RPS6KB2: variants seen among roughly 807,000 people sequenced by gnomAD.
RPS6KB2 encodes ribosomal protein S6 kinase B2, also known as ribosomal protein S6 kinase beta-2.
In RPS6KB2, 51 loss-of-function variants were observed where a neutral mutation model predicts 58.2. The observed-to-expected ratio is 0.88, with a 90% CI of 0.70 to 1.11. The LOEUF (loss-of-function observed/expected upper bound fraction) is 1.11, where lower values mean the gene tolerates loss of function less well. Ranked by LOEUF, RPS6KB2 falls within the 50% of genes least tolerant of loss-of-function variation. The pLI, the probability that RPS6KB2 is intolerant of heterozygous loss-of-function variation, is 0.00. For synonymous variants in RPS6KB2, 293 were observed against 258.6 expected, an observed-to-expected ratio of 1.13 and a Z score of -1.28; for missense variants, 671 against 655.8, an observed-to-expected ratio of 1.02 and a Z score of -0.25.
At chr11:67,434,331 G>A (rs1213376890) in intron 12 of RPS6KB2, 46 bp from the exon 13 acceptor site, 1 of 1,609,798 alleles carries the variant, frequency 6.2e-7, no homozygotes, top group East Asian at 2.2e-5. Context: ...TGGAGAACCT[G>A]CATCTTGGTG....
At chr11:67,434,915 C>T in intron 14 of RPS6KB2, 74 bp from the exon 15 acceptor site, 1 of 1,427,342 alleles carries the variant, frequency 7.0e-7, no homozygotes, top group Non-Finnish European at 9.7e-7. Context: ...GGAAAGGCTG[C>T]CTTCCCTGAC....
chr11:67,433,925 C>T, intron 10 of RPS6KB2, 70 bp from the exon 11 acceptor site: 1 of 1,557,530 alleles, frequency 6.4e-7, no homozygotes, highest in Middle Eastern at 1.7e-4. Context: ...CCTACTCCAG[C>T]TAGCCCTGGG....
In RPS6KB2 at chr11:67,433,448, G is replaced by A. The variant is rs777475749; in HGVS notation, c.906+1G>A. The stretch of plus-strand genomic sequence containing the variant: ...AGATGCCCGGGACCTTGTCAAAAAG[G>A]TGCAGCTCCCTTCTCTCTTCTCCGG... On this transcript the variant is annotated splice_donor_variant, in intron 10 of 14. Transcript: ENST00000312629. LOFTEE classifies it high-confidence loss of function. 2 of 1,604,674 alleles carry A rather than the reference G, an allele frequency of 1.2e-6. No homozygotes were observed. The highest frequency in any genetic ancestry group is 1.7e-5 in the Admixed American group (1 of 60,014).
At chr11:67,434,873 TG>T in intron 14 of RPS6KB2, 115 bp from the exon 15 acceptor site, 1 of 1,121,704 alleles carries the variant, frequency 8.9e-7, no homozygotes, top group Non-Finnish European at 1.3e-6. Flanking sequence ...TGGGAGTTTG[TG>T]GAGCCCGCGG....
intron 1 of RPS6KB2, 127 bp downstream of exon 1, chr11:67,428,750 C>A: frequency 1.0e-6 from 1 of 987,238 alleles, no homozygotes; most frequent in Non-Finnish European, 1.5e-6. Flanking sequence ...CTTCTCAGAT[C>A]CCGGTCTCTA....
chr11:67,431,447 T>C lies in RPS6KB2; in HGVS notation c.389T>C (p.Phe130Ser). 15 of 1,613,876 alleles carry C rather than the reference T, an allele frequency of 9.3e-6. No homozygotes were observed. The highest frequency in any genetic ancestry group is 1.3e-5 in the Non-Finnish European group (15 of 1,179,892). Residue 130 changes from phenylalanine to serine, a missense_variant, in exon 5 of 15, where the codon TTT becomes TCT. Phe to Ser is a radical substitution (Grantham distance 155). Coordinates refer to ENST00000312629, the MANE Select transcript of RPS6KB2 (RefSeq NM_003952.3). The stretch of plus-strand genomic sequence containing the variant: ...ATTCTAGAGTCAGTGAAGCACCCCT[T>C]TATTGTGGAACTGGCCTATGCCTTC... ...RNILESVKHP[F>S]IVELAYAFQT...
At chr11:67,431,590 G>C (rs937457187) in intron 5 of RPS6KB2, 75 bp downstream of exon 5, 24 of 1,498,346 alleles carry the variant, frequency 1.6e-5, no homozygotes, top group Non-Finnish European at 2.0e-5. Flanking sequence ...GCTCTGGGGG[G>C]AAGCTCTTGA....
chr11:67,432,432 G>C (rs1864057341), intron 5 of RPS6KB2, 168 bp from the exon 6 acceptor site: 1 of 751,384 alleles, frequency 1.3e-6, no homozygotes. Flanking sequence ...CAGGCACCGA[G>C]TAGGCGTCGG....
At position 67,435,068 on chromosome 11, in the gene RPS6KB2, C is replaced by T. The variant is rs1348906716; in HGVS notation, c.1348C>T (p.Leu450Phe). ...GCCCACGGAGCTACCTCTACCTCCA[C>T]TCCTGCCACCGCCGCCGCCCTCGAC... ...PEPTELPLPP[L>F]LPPPPPSTTA... Residue 450 changes from leucine to phenylalanine, a missense_variant, in exon 15 of 15, where the codon CTC becomes TTC. By Grantham distance (22) the Leu-to-Phe change is conservative. Coordinates refer to ENST00000312629, the MANE Select transcript of RPS6KB2 (RefSeq NM_003952.3). 6.2e-7 allele frequency: 1 copy of T among 1,611,872 alleles called. No individual in the cohort carries two copies. The highest frequency in any genetic ancestry group is 8.5e-7 in the Non-Finnish European group (1 of 1,179,556).
chr11:67,434,739 C>A, intron 14 of RPS6KB2, 45 bp downstream of exon 14: 1 of 1,451,794 alleles, frequency 6.9e-7, no homozygotes, highest in Non-Finnish European at 9.4e-7. Flanking sequence ...GGGACGCTGG[C>A]AGGCAGGATG....
rs891674239 is a variant in RPS6KB2, at chr11:67,435,401, G to C, written c.*232G>C. 1 of 609,358 alleles carries C rather than the reference G, an allele frequency of 1.6e-6. No homozygotes were observed. The highest frequency in any genetic ancestry group is 2.1e-5 in the South Asian group (1 of 47,136). 37.7% of individuals were successfully genotyped at this position (609,358 alleles called of 1,614,324 possible). ...GTGGAAGATTAAAGGGCTGAATCAT[G>C]GTGCTGACCTGGCTCTTTGTGCTGC... On this transcript the variant is annotated 3_prime_UTR_variant, in exon 15 of 15. Transcript: ENST00000312629.
intron 14 of RPS6KB2, 61 bp from the exon 15 acceptor site, chr11:67,434,928 A>C: frequency 6.7e-7 from 1 of 1,489,212 alleles, no homozygotes; most frequent in Non-Finnish European, 9.3e-7. Flanking sequence ...TCCCTGACTG[A>C]GTGCTGGGAG....
Position 67,434,400 on chromosome 11 carries a change from G to C in RPS6KB2, c.1071G>C (p.Gln357His). The change falls in exon 13 of 15, where the codon CAG becomes CAC. Residue 357 changes from glutamine (Q) to histidine (H), a missense_variant. Gln to His is a conservative substitution (Grantham distance 24). Transcript: ENST00000312629. ...PCLQSEEDVS[Q>H]FDTRFTRQTP... ...AGCAGTCAGAGGAGGACGTGAGCCA[G>C]TTTGATACCCGCTTCACACGGCAGA... is the stretch of plus-strand genomic sequence containing the variant. The C allele has an allele frequency of 6.2e-7, 1 of 1,613,352 alleles. No individual in the cohort carries two copies. Among genetic ancestry groups the C allele is most frequent in the Non-Finnish European group, 8.5e-7 (1 of 1,180,006 alleles).
Position 67,434,237 on chromosome 11 carries a change from C to T in RPS6KB2, c.1009C>T (p.Leu337=). The part of the protein sequence containing the change: ...FFRHMNWDDL[L]AWRVDPPFRP... The stretch of plus-strand genomic sequence containing the variant: ...CCGGCACATGAATTGGGACGACCTT[C>T]TGGCCTGGCGTGTGGACCCCCCTTT... The change falls in exon 12 of 15, where the codon CTG becomes TTG. Residue 337 remains leucine, a synonymous_variant. Transcript: ENST00000312629. 1 of 1,613,920 alleles carries T rather than the reference C, an allele frequency of 6.2e-7. No homozygotes were observed. The highest frequency in any genetic ancestry group is 8.5e-7 in the Non-Finnish European group (1 of 1,180,028).
Position 67,434,233 on chromosome 11 carries a change from C to T in RPS6KB2, c.1005C>T (p.Asp335=). The T allele has an allele frequency of 5.0e-6, 8 of 1,613,954 alleles. No homozygotes were observed. Among genetic ancestry groups the T allele is most frequent in the Non-Finnish European group, 6.8e-6 (8 of 1,180,022 alleles). Residue 335 remains aspartate (D), a synonymous_variant, in exon 12 of 15, where the codon GAC becomes GAT. Transcript: ENST00000312629. ...TTTTCCGGCACATGAATTGGGACGA[C>T]CTTCTGGCCTGGCGTGTGGACCCCC... ...HPFFRHMNWD[D]LLAWRVDPPF...
chr11:67,434,411 G>A lies in RPS6KB2; in HGVS notation c.1082G>A (p.Arg361His), dbSNP rs1455889489. The A allele has an allele frequency of 3.7e-6, 6 of 1,613,092 alleles. No individual in the cohort carries two copies. The highest frequency in any genetic ancestry group is 1.6e-4 in the Middle Eastern group (1 of 6,084). ...SEEDVSQFDT[R>H]FTRQTPVDSP... ...GAGGACGTGAGCCAGTTTGATACCC[G>A]CTTCACACGGCAGACGCCGGTGGAC... Residue 361 changes from arginine (R) to histidine (H), a missense_variant, in exon 13 of 15, where the codon CGC becomes CAC. Arg to His is a conservative substitution (Grantham distance 29, BLOSUM62 0). Coordinates refer to ENST00000312629, the MANE Select transcript of RPS6KB2 (RefSeq NM_003952.3).
rs751006896 is a variant in RPS6KB2 at position 67,432,125 on chromosome 11, C to T, written c.458-475C>T. Reference sequence around the variant, plus strand: ...GAGCAGTCTTGACCTGCCTTTCCCTCGTTTGGGCCAGATGAACCCTGCGAG... The same window carrying T: ...GAGCAGTCTTGACCTGCCTTTCCCTTGTTTGGGCCAGATGAACCCTGCGAG... On this transcript the variant is annotated intron_variant, in intron 5 of 14. Coordinates refer to ENST00000312629, the MANE Select transcript of RPS6KB2 (RefSeq NM_003952.3). 26 of 362,514 alleles carry T rather than the reference C, an allele frequency of 7.2e-5. No homozygotes were observed. In the East Asian group the frequency reaches 1.6e-3, roughly 22 times the overall value. The allele number at this position is 362,514 out of a possible 1,614,324, so 22.5% of individuals were successfully genotyped here.
At chr11:67,432,119 T>C in intron 5 of RPS6KB2, 1 of 361,862 alleles carries the variant, frequency 2.8e-6, no homozygotes, top group South Asian at 2.1e-5. Context: ...TGACCTGCCT[T>C]TCCCTCGTTT....
intron 5 of RPS6KB2, chr11:67,432,245 T>G: frequency 1.9e-6 from 1 of 528,936 alleles, no homozygotes. Context: ...CTGTTGGGAT[T>G]CACTCTGTCT....
Sources: gnomAD v4.1 joint callset for allele counts on GRCh38, gnomAD v4.1.1 for gene constraint, MANE v1.5 for transcripts, NCBI Gene and HGNC (gene_info 2026-07-23, HGNC 2026-07-21) for gene names.